ZNG1B: variants seen among roughly 807,000 people sequenced by gnomAD.
The protein encoded by ZNG1B is Zn regulated GTPase metalloprotein activator 1B, also known as zinc-regulated GTPase metalloprotein activator 1B.
At chr2:113,457,005 G>T in the ZNG1B span, 1 of 454,420 alleles carries the variant, frequency 2.2e-6, no homozygotes, top group African/African-American at 2.0e-5. Flanking sequence ...TGATATCATG[G>T]GGTATCATGC....
chr2:113,439,497 C>T, the ZNG1B span, among the ~76,000 whole-genome samples: 1 of 152,190 alleles, frequency 6.6e-6, no homozygotes, highest in Non-Finnish European at 1.5e-5. Flanking sequence ...TGGAGTCTTG[C>T]TGCCCTTTAA....
chr2:113,484,241 C>T, the ZNG1B span, among the ~76,000 whole-genome samples: 2,023 of 139,636 alleles, frequency 0.014, no homozygotes, highest in Middle Eastern at 0.054. Context: ...TTAGATAAAA[C>T]AGTATGATCT....
At chr2:113,445,545 A>G in the ZNG1B span, 1 of 154,862 alleles carries the variant, frequency 6.5e-6, no homozygotes, top group Admixed American at 6.3e-5. Flanking sequence ...ATACAATGTA[A>G]GTGCTGTGTA....
the ZNG1B span, chr2:113,438,066 C>A: frequency 2.7e-4 from 433 of 1,610,634 alleles, 11 homozygotes; most frequent in South Asian, 4.5e-3. Flanking sequence ...CCTCTGGTGT[C>A]ATGGGATTTT....
chr2:113,472,026 A>T, the ZNG1B span, among the ~76,000 whole-genome samples: 4 of 150,500 alleles, frequency 2.7e-5, no homozygotes, highest in African/African-American at 9.9e-5. Flanking sequence ...GTCAAATGGT[A>T]TTTCTAGTTG....
chr2:113,460,769 A>G, the ZNG1B span: 4 of 1,575,518 alleles, frequency 2.5e-6, no homozygotes, highest in Non-Finnish European at 3.4e-6. Flanking sequence ...GTAAAGAGAA[A>G]AATCACTAAG....
the ZNG1B span, chr2:113,444,136 T>G: frequency 2.3e-6 from 1 of 431,056 alleles, no homozygotes; most frequent in South Asian, 2.7e-5. Context: ...GTCTCATATG[T>G]AAAAAATGAT....
At chr2:113,463,403 C>A in the ZNG1B span, among the ~76,000 whole-genome samples, 2 of 152,064 alleles carry the variant, frequency 1.3e-5, no homozygotes, top group Non-Finnish European at 2.9e-5. Flanking sequence ...AATCTGTCAT[C>A]TCAGTTCATA....
the ZNG1B span, among the ~76,000 whole-genome samples, chr2:113,476,547 T>TTGGAGGAGGAGAGG: frequency 6.7e-6 from 1 of 148,346 alleles, no homozygotes; most frequent in Non-Finnish European, 1.5e-5. Flanking sequence ...CTGCGTTCCT[T>TTGGAGGAGGAGAGG]CGGAGGAGGA....
chr2:113,438,051 C>G, the ZNG1B span: 1 of 1,611,516 alleles, frequency 6.2e-7, no homozygotes, highest in Non-Finnish European at 8.5e-7. Context: ...CACAAAATGG[C>G]GTGACCTCTG....
At chr2:113,438,902 T>G in the ZNG1B span, 1 of 1,442,458 alleles carries the variant, frequency 6.9e-7, no homozygotes, top group Admixed American at 2.1e-5. Context: ...ACCTTTTATG[T>G]AAAAATAAGA....
At chr2:113,481,556 T>C in the ZNG1B span, 1 of 151,724 alleles carries the variant, frequency 6.6e-6, no homozygotes. Flanking sequence ...TTGAAATGTA[T>C]GCTACAGTTA....
chr2:113,443,822 G>C, the ZNG1B span: 3 of 1,606,136 alleles, frequency 1.9e-6, no homozygotes, highest in Non-Finnish European at 2.5e-6. Flanking sequence ...TCTATGAAGA[G>C]TGGCTGGAAC....
At chr2:113,470,896 A>G in the ZNG1B span, 1 of 632,304 alleles carries the variant, frequency 1.6e-6, no homozygotes. Flanking sequence ...TTCAACTGTG[A>G]TTCAAATCTT....
chr2:113,461,074 T>C, the ZNG1B span, among the ~76,000 whole-genome samples: 2 of 148,646 alleles, frequency 1.3e-5, no homozygotes, highest in African/African-American at 2.4e-5. Flanking sequence ...TATTATTATT[T>C]TTTGAGACAG....
the ZNG1B span, among the ~76,000 whole-genome samples, chr2:113,473,947 T>TC: frequency 1.4e-5 from 2 of 147,124 alleles, no homozygotes; most frequent in Non-Finnish European, 3.0e-5. Context: ...TCTAAAATTC[T>TC]CTTTTTTGGT....
the ZNG1B span, among the ~76,000 whole-genome samples, chr2:113,452,351 A>G: frequency 4.6e-5 from 7 of 151,990 alleles, no homozygotes; most frequent in Non-Finnish European, 8.8e-5. Flanking sequence ...AGACGTTGGA[A>G]TGAGTTTGAT....
the ZNG1B span, among the ~76,000 whole-genome samples, chr2:113,472,396 G>C: frequency 6.6e-6 from 1 of 151,752 alleles, no homozygotes; most frequent in Non-Finnish European, 1.5e-5. Flanking sequence ...CCCTTTGTCA[G>C]ATGAGTAGGT....
At chr2:113,466,180 A>G in the ZNG1B span, 1 of 961,796 alleles carries the variant, frequency 1.0e-6, no homozygotes, top group Admixed American at 6.8e-5. Context: ...ATTCCTCAGT[A>G]TCTGTCCTCT....
Sources: gnomAD v4.1 joint callset for allele counts (sites outside exome capture counted in the v4.1 genomes callset) on GRCh38, gnomAD v4.1.1 for gene constraint, MANE v1.5 for transcripts, NCBI Gene and HGNC (gene_info 2026-07-23, HGNC 2026-07-21) for gene names.